The following SDHAF3 variants were observed in gnomAD, a reference collection of about 807,000 sequenced individuals.
The protein encoded by SDHAF3 is succinate dehydrogenase complex assembly factor 3.
SDHAF3 carries 18 observed loss-of-function variants against 11.5 expected under a neutral mutation model. The ratio of observed to expected loss-of-function variants is 1.56; its 90% CI spans 1.08 to 2.32. The LOEUF is 2.32. Among genes scored for constraint, SDHAF3 ranks in the 30% most tolerant of loss-of-function variants. The pLI is 0.00. For missense variants in SDHAF3, 200 were observed against 154.4 expected (o/e 1.30, Z -1.57); for synonymous variants, 72 against 59.3 (o/e 1.21, Z -0.99).
intron 1 of SDHAF3, among the ~76,000 whole-genome samples, chr7:97,163,232 TC>T (rs1789442693): frequency 6.7e-6 from 1 of 149,656 alleles, no homozygotes; most frequent in African/African-American, 2.5e-5. Flanking sequence ...ACCTCAGCCT[TC>T]CGGTTTCAAG....
chr7:97,117,762 C>G lies in SDHAF3; in HGVS notation c.39C>G (p.Tyr13Ter), dbSNP rs1199282061. Residue 13 changes from tyrosine (Y) to a stop codon, truncating the protein, a stop_gained, in exon 1 of 2, where the codon TAC becomes TAG. Coordinates refer to ENST00000432641, the MANE Select transcript of SDHAF3 (RefSeq NM_020186.3). LOFTEE classifies it high-confidence loss of function. ...ACGTTTCTCGAGTCCGGGCATTGTA[C>G]AAGCGCGTCTTGCAGCTGCACCGTG... is the stretch of plus-strand genomic sequence containing the variant. Reference protein sequence around the residue: ...GRHVSRVRALYKRVLQLHRVL... With the variant: ...GRHVSRVRAL 2 of 1,614,016 alleles carry G rather than the reference C, an allele frequency of 1.2e-6. No homozygotes were observed. Among genetic ancestry groups the G allele is most frequent in the Non-Finnish European group, 1.7e-6 (2 of 1,180,014 alleles).
intron 1 of SDHAF3, among the ~76,000 whole-genome samples, chr7:97,126,025 G>T (rs1050470086): frequency 1.3e-5 from 2 of 152,188 alleles, no homozygotes; most frequent in Middle Eastern, 3.2e-3. Context: ...TCATGTTGCT[G>T]CTTTCTGTTT....
In SDHAF3 at chr7:97,117,772, T is replaced by C; in HGVS notation, c.49T>C (p.Leu17=). The C allele has an allele frequency of 6.2e-7, 1 of 1,614,182 alleles. No homozygotes were observed. The highest frequency in any genetic ancestry group is 8.5e-7 in the Non-Finnish European group (1 of 1,180,024). ...AGTCCGGGCATTGTACAAGCGCGTC[T>C]TGCAGCTGCACCGTGTTCTGCCCCC... The part of the protein sequence containing the change: ...SRVRALYKRV[L]QLHRVLPPDL... Residue 17 remains leucine, a synonymous_variant, in exon 1 of 2, where the codon TTG becomes CTG. Coordinates refer to ENST00000432641, the MANE Select transcript of SDHAF3 (RefSeq NM_020186.3).
rs571697087 is a variant in SDHAF3, at chr7:97,143,035, G to A, written c.174+25138G>A. 2.0e-5 allele frequency among the ~76,000 whole-genome samples: 3 copies of A among 151,684 alleles called. No individual in the cohort carries two copies. In the East Asian group the frequency reaches 5.8e-4, roughly 30 times the overall value. On this transcript the variant is annotated intron_variant, in intron 1 of 1. Coordinates refer to ENST00000432641, the MANE Select transcript of SDHAF3 (RefSeq NM_020186.3). ...CCGCCTCAACCTCCCGAGTAGCTGGGATTACAGGCAGACGCCACCACATCT... is the reference window on the plus strand; with the variant it reads ...CCGCCTCAACCTCCCGAGTAGCTGGAATTACAGGCAGACGCCACCACATCT...
intron 1 of SDHAF3, among the ~76,000 whole-genome samples, chr7:97,166,704 C>A (rs1459038825): frequency 1.3e-5 from 2 of 151,772 alleles, no homozygotes; most frequent in Non-Finnish European, 2.9e-5. Flanking sequence ...TTCAGGTTTA[C>A]TTTAGAATGC....
chr7:97,117,821 A>G lies in SDHAF3; in HGVS notation c.98A>G (p.Gln33Arg), dbSNP rs1791428199. The change falls in exon 1 of 2, where the codon CAG becomes CGG. Residue 33 changes from glutamine (Q) to arginine (R), a missense_variant. Gln to Arg is a conservative substitution (Grantham distance 43). Transcript: ENST00000432641. ...CCGGACCTCAAATCCCTGGGCGACC[A>G]GTACGTGAAAGACGAATTTAGGAGA... ...LPPDLKSLGD[Q>R]YVKDEFRRHK... 2 of 1,614,250 alleles carry G rather than the reference A, an allele frequency of 1.2e-6. No homozygotes were observed. The highest frequency in any genetic ancestry group is 8.5e-7 in the Non-Finnish European group (1 of 1,180,044).
chr7:97,142,042 CTTTTTTTTTTTTTTTTT>C (rs71131003), intron 1 of SDHAF3, among the ~76,000 whole-genome samples: 2 of 61,680 alleles, frequency 3.2e-5, no homozygotes, highest in African/African-American at 1.3e-4. Context: ...GAATTGTTGT[CTTTTTTTTTTTTTTTTT>C]TTTTTTTTTT....
At chr7:97,119,925 G>A (rs1185535011) in intron 1 of SDHAF3, among the ~76,000 whole-genome samples, 1 of 152,144 alleles carries the variant, frequency 6.6e-6, no homozygotes, top group African/African-American at 2.4e-5. Context: ...ATGTCAGAGG[G>A]CACATGATAC....
chr7:97,136,601 A>G (rs1791774440), intron 1 of SDHAF3: 1 of 402,622 alleles, frequency 2.5e-6, no homozygotes, highest in Admixed American at 4.2e-5. Flanking sequence ...ACGCTTCTAA[A>G]CTGTATTTTC....
intron 1 of SDHAF3, among the ~76,000 whole-genome samples, chr7:97,138,415 G>A (rs1788966617): frequency 6.6e-6 from 1 of 152,102 alleles, no homozygotes; most frequent in Admixed American, 6.5e-5. Context: ...CACCTGCCTT[G>A]GCCTCCCAAA....
intron 1 of SDHAF3, among the ~76,000 whole-genome samples, chr7:97,154,373 C>A (rs996034055): frequency 1.3e-5 from 2 of 152,154 alleles, no homozygotes; most frequent in Non-Finnish European, 2.9e-5. Context: ...GGTTAAGAGG[C>A]CTGACACTAA....
chr7:97,157,880 CG>C (rs959486524), intron 1 of SDHAF3, among the ~76,000 whole-genome samples: 3 of 148,544 alleles, frequency 2.0e-5, no homozygotes, highest in African/African-American at 7.5e-5. Context: ...AACCAAACAC[CG>C]CATGTTCTCA....
intron 1 of SDHAF3, among the ~76,000 whole-genome samples, chr7:97,132,609 A>G (rs932098064): frequency 6.6e-6 from 1 of 152,202 alleles, no homozygotes; most frequent in Non-Finnish European, 1.5e-5. Flanking sequence ...GTTACCATGT[A>G]GTAACTGTAT....
At chr7:97,151,654 A>G (rs1385655053) in intron 1 of SDHAF3, among the ~76,000 whole-genome samples, 1 of 151,896 alleles carries the variant, frequency 6.6e-6, no homozygotes, top group African/African-American at 2.4e-5. Flanking sequence ...GCTTGCCACC[A>G]TGCCTGGCTA....
intron 1 of SDHAF3, among the ~76,000 whole-genome samples, chr7:97,122,716 T>C (rs1394008471): frequency 6.6e-6 from 1 of 152,126 alleles, no homozygotes; most frequent in Non-Finnish European, 1.5e-5. Context: ...GTGAAGATGT[T>C]CAGAGAGATA....
intron 1 of SDHAF3, among the ~76,000 whole-genome samples, chr7:97,169,386 A>C (rs191832249): frequency 1.3e-5 from 2 of 152,250 alleles, no homozygotes; most frequent in East Asian, 3.9e-4. Context: ...AAGTACTGTC[A>C]ATTTCAATAT....
intron 1 of SDHAF3, among the ~76,000 whole-genome samples, chr7:97,162,195 C>CT (rs927258981): frequency 9.9e-5 from 15 of 152,056 alleles, no homozygotes; most frequent in African/African-American, 3.6e-4. Context: ...TGATGATGAG[C>CT]TTTTTTTCAT....
chr7:97,154,504 T>G (rs558006510), intron 1 of SDHAF3, among the ~76,000 whole-genome samples: 21 of 152,350 alleles, frequency 1.4e-4, no homozygotes, highest in African/African-American at 5.0e-4. Context: ...TTTGAGAGTT[T>G]TTGATACATT....
Position 97,181,337 on chromosome 7 carries a change from T to G in SDHAF3, c.*122T>G. The G allele has an allele frequency of 1.4e-6, 1 of 718,868 alleles. No homozygotes were observed. The allele number at this position is 718,868 out of a possible 1,614,324, so 44.5% of individuals were successfully genotyped here. A position where few individuals can be genotyped will look rare whatever the true frequency, so the allele number is the denominator to read the frequency against. ...GTTATTAATGAAATACTCTTTTATT[T>G]TGGATATTATGATTGCAGTATATGG... On this transcript the variant is annotated 3_prime_UTR_variant, in exon 2 of 2. Transcript: ENST00000432641.
Sources: allele counts gnomAD v4.1 joint callset (sites outside exome capture counted in the v4.1 genomes callset), GRCh38; gene constraint gnomAD v4.1.1; transcripts MANE v1.5; gene names NCBI Gene and HGNC (gene_info 2026-07-23, HGNC 2026-07-21).